Variants in ZNHIT6 observed in about 807,000 individuals in gnomAD.
ZNHIT6 encodes the protein zinc finger HIT-type containing 6, also known as box C/D snoRNA protein 1.
Under a neutral mutation model 57.2 loss-of-function variants are expected in ZNHIT6, and 45 were observed. That is an observed-to-expected ratio of 0.79 (90% CI 0.62 to 1.01). The LOEUF (loss-of-function observed/expected upper bound fraction) is 1.01. Among genes scored for constraint, ZNHIT6 ranks in the 50% least tolerant of loss-of-function variants. The pLI is 0.00. For synonymous variants in ZNHIT6, 188 were observed against 190.0 expected (o/e 0.99, Z 0.09); for missense variants, 528 against 567.3 (o/e 0.93, Z 0.70).
chr1:85,695,301 C>T (rs1021540963), intron 5 of ZNHIT6, among the ~76,000 whole-genome samples: 14 of 151,624 alleles, frequency 9.2e-5, no homozygotes, highest in Admixed American at 8.5e-4. Flanking sequence ...TATTTTAAGA[C>T]AAAAACTGAA....
At chr1:85,701,544 T>C (rs766077564) in intron 5 of ZNHIT6, among the ~76,000 whole-genome samples, 1 of 152,206 alleles carries the variant, frequency 6.6e-6, no homozygotes, top group Non-Finnish European at 1.5e-5. Context: ...TTATCTGTAC[T>C]CAAGAGTTCA....
Position 85,706,069 on chromosome 1 carries a change from A to C in ZNHIT6, c.915+9T>G. 1 of 1,597,696 alleles carries C rather than the reference A, an allele frequency of 6.3e-7. No homozygotes were observed. The highest frequency in any genetic ancestry group is 8.5e-7 in the Non-Finnish European group (1 of 1,174,180). On this transcript the variant is annotated intron_variant, in intron 4 of 9. Coordinates refer to ENST00000370574, the MANE Select transcript of ZNHIT6 (RefSeq NM_017953.4). ...CTTCTAACTGGAAGAAATTAGGAAA[A>C]AATCTTACATATTTATTGCTTATTG...
chr1:85,671,832 T>C (rs1661563830), intron 8 of ZNHIT6, among the ~76,000 whole-genome samples: 1 of 152,208 alleles, frequency 6.6e-6, no homozygotes, highest in Admixed American at 6.5e-5. Flanking sequence ...AAATCTCTGA[T>C]GTACATTTTT....
intron 6 of ZNHIT6, 86 bp from the exon 7 acceptor site, chr1:85,678,867 G>T: frequency 5.6e-6 from 4 of 717,908 alleles, no homozygotes; most frequent in Non-Finnish European, 6.4e-6. Context: ...TAAATATTGT[G>T]GCTTTTTTGG....
rs1423750681 is a variant in ZNHIT6, at chr1:85,650,127, C to T, written c.*3931G>A. ...AATTTCCCCCTCCTTTGGGTGAATTCCTCTCTTGATTAGCTCAGGAACGGA... is the reference window on the plus strand; with the variant it reads ...AATTTCCCCCTCCTTTGGGTGAATTTCTCTCTTGATTAGCTCAGGAACGGA... On this transcript the variant is annotated 3_prime_UTR_variant, in exon 10 of 10. Coordinates refer to ENST00000370574, the MANE Select transcript of ZNHIT6 (RefSeq NM_017953.4). The T allele has an allele frequency of 6.6e-6, 1 of 152,224 alleles. No homozygotes were observed. The highest frequency in any genetic ancestry group is 1.5e-5 in the Non-Finnish European group (1 of 68,046). 9.4% of individuals were successfully genotyped at this position (152,224 alleles called of 1,614,324 possible). A position where few individuals can be genotyped will look rare whatever the true frequency, so the allele number is the denominator to read the frequency against.
At chr1:85,707,276 T>C (rs1662710395) in intron 1 of ZNHIT6, among the ~76,000 whole-genome samples, 1 of 152,236 alleles carries the variant, frequency 6.6e-6, no homozygotes, top group Non-Finnish European at 1.5e-5. Flanking sequence ...GTTAGTTTTA[T>C]TAGACTTTCT....
In ZNHIT6 at chr1:85,650,512, C is replaced by T. The variant is rs563177450; in HGVS notation, c.*3546G>A. On this transcript the variant is annotated 3_prime_UTR_variant, in exon 10 of 10. Coordinates refer to ENST00000370574, the MANE Select transcript of ZNHIT6 (RefSeq NM_017953.4). The stretch of plus-strand genomic sequence containing the variant: ...GTTTTTGTCACTTGCATATAAACAA[C>T]ACATTTTAATGCAACAGAGTACAGC... 2 of 152,292 alleles carry T rather than the reference C, an allele frequency of 1.3e-5. No homozygotes were observed. Among genetic ancestry groups the T allele is most frequent in the Admixed American group, 6.5e-5 (1 of 15,304 alleles). The allele number at this position is 152,292 out of a possible 1,614,324, so 9.4% of individuals were successfully genotyped here. A position where few individuals can be genotyped will look rare whatever the true frequency, so the allele number is the denominator to read the frequency against.
Position 85,651,861 on chromosome 1 carries a change from T to G in ZNHIT6, c.*2197A>C, listed in dbSNP as rs1026648479. ...TTTTCAGTTAGTTATTCCAATTTCA[T>G]TCTCTCCAAGCCATTGGTAATTCAC... On this transcript the variant is annotated 3_prime_UTR_variant, in exon 10 of 10. Coordinates refer to ENST00000370574, the MANE Select transcript of ZNHIT6 (RefSeq NM_017953.4). The G allele has an allele frequency of 3.3e-5, 5 of 152,216 alleles. No homozygotes were observed. Among genetic ancestry groups the G allele is most frequent in the Non-Finnish European group, 7.3e-5 (5 of 68,036 alleles). 9.4% of individuals were successfully genotyped at this position (152,216 alleles called of 1,614,324 possible).
intron 6 of ZNHIT6, among the ~76,000 whole-genome samples, chr1:85,679,992 G>A (rs1661825019): frequency 6.6e-6 from 1 of 152,212 alleles, no homozygotes; most frequent in Admixed American, 6.5e-5. Context: ...GATTGCTTGA[G>A]GCCAGGAGTT....
chr1:85,708,016 C>G lies in ZNHIT6; in HGVS notation c.269G>C (p.Gly90Ala). ...QEIIDWPGTE[G>A]RLAGQWVEQE... ...TTCTACCCACTGGCCAGCCAACCTGCCTTCTGTACCTGGCCAGTCTATAAT... is the reference window on the plus strand; with the variant it reads ...TTCTACCCACTGGCCAGCCAACCTGGCTTCTGTACCTGGCCAGTCTATAAT... The change falls in exon 1 of 10, where the codon GGC becomes GCC. Residue 90 changes from glycine to alanine, a missense_variant. By Grantham distance (60) the Gly-to-Ala change is moderately conservative. Transcript: ENST00000370574. The G allele has an allele frequency of 6.2e-7, 1 of 1,614,130 alleles. No homozygotes were observed. The highest frequency in any genetic ancestry group is 1.1e-5 in the South Asian group (1 of 91,082).
In ZNHIT6 at chr1:85,652,582, G is replaced by T. The variant is rs895046628; in HGVS notation, c.*1476C>A. On this transcript the variant is annotated 3_prime_UTR_variant, in exon 10 of 10. Transcript: ENST00000370574. Reference sequence around the variant, plus strand: ...GGTCCTTCTGGCATTATTGTTTTTCGATTCTCTTCTCCAGTTTCTACCCCA... The same window carrying T: ...GGTCCTTCTGGCATTATTGTTTTTCTATTCTCTTCTCCAGTTTCTACCCCA... The T allele has an allele frequency of 6.6e-6, 1 of 151,960 alleles. No homozygotes were observed. The highest frequency in any genetic ancestry group is 1.5e-5 in the Non-Finnish European group (1 of 67,958). 9.4% of individuals were successfully genotyped at this position (151,960 alleles called of 1,614,324 possible). A position where few individuals can be genotyped will look rare whatever the true frequency, so the allele number is the denominator to read the frequency against.
intron 5 of ZNHIT6, among the ~76,000 whole-genome samples, chr1:85,688,597 G>A (rs1662131013): frequency 6.6e-6 from 1 of 152,100 alleles, no homozygotes; most frequent in African/African-American, 2.4e-5. Context: ...ATACCTTAAT[G>A]AATGAACTCT....
rs774815730 is a variant in ZNHIT6, at chr1:85,707,679, C to T, written c.606G>A (p.Glu202=). 2.9e-5 allele frequency: 46 copies of T among 1,575,670 alleles called. No homozygotes were observed. The highest frequency in any genetic ancestry group is 3.5e-5 in the Non-Finnish European group (41 of 1,164,820). The change falls in exon 1 of 10, where the codon GAG becomes GAA. Residue 202 remains glutamate, a synonymous_variant. Transcript: ENST00000370574. ...AGCCCACCGGGTGATTTATCGGAGG[C>T]TCTTCTTTCACCTTTGTATCATCCA... ...EIVDDTKVKE[E]PPINHPVGCK...
At chr1:85,659,090 C>T (rs576229482) in intron 8 of ZNHIT6, among the ~76,000 whole-genome samples, 6 of 152,092 alleles carry the variant, frequency 3.9e-5, no homozygotes, top group African/African-American at 1.4e-4. Flanking sequence ...TAACTGGTTT[C>T]CAGAAATTTA....
intron 8 of ZNHIT6, among the ~76,000 whole-genome samples, chr1:85,667,508 T>C (rs1300183153): frequency 6.6e-6 from 1 of 151,888 alleles, no homozygotes; most frequent in Non-Finnish European, 1.5e-5. Context: ...TTTAAGTAGA[T>C]GCAAAGAACA....
intron 8 of ZNHIT6, among the ~76,000 whole-genome samples, chr1:85,672,527 C>T (rs1238349382): frequency 3.3e-5 from 5 of 152,150 alleles, no homozygotes; most frequent in Non-Finnish European, 7.4e-5. Context: ...ATAGGCCATT[C>T]ACCTTTAATA....
intron 5 of ZNHIT6, among the ~76,000 whole-genome samples, chr1:85,701,266 TTA>T (rs1478648443): frequency 1.3e-5 from 2 of 152,160 alleles, no homozygotes; most frequent in Non-Finnish European, 2.9e-5. Flanking sequence ...GCTCCGTAGT[TTA>T]CCCGGGTCAA....
At chr1:85,683,608 G>A (rs1661941770) in intron 5 of ZNHIT6, among the ~76,000 whole-genome samples, 1 of 151,468 alleles carries the variant, frequency 6.6e-6, no homozygotes, top group African/African-American at 2.4e-5. Context: ...TGAAATTACT[G>A]TAAGTCCTGA....
At chr1:85,687,160 G>A (rs1662068411) in intron 5 of ZNHIT6, among the ~76,000 whole-genome samples, 1 of 151,160 alleles carries the variant, frequency 6.6e-6, no homozygotes. Flanking sequence ...CTCAACTGTA[G>A]TCCTAGCTAC....
Sources: gnomAD v4.1 joint callset for allele counts (sites outside exome capture counted in the v4.1 genomes callset) on GRCh38, gnomAD v4.1.1 for gene constraint, MANE v1.5 for transcripts, NCBI Gene and HGNC (gene_info 2026-07-23, HGNC 2026-07-21) for gene names.